The following TVP23A variants were observed in gnomAD, a reference collection of about 807,000 sequenced individuals.
TVP23A encodes trans-golgi network vesicle protein 23 homolog A.
Under a neutral mutation model 31.7 loss-of-function variants are expected in TVP23A, and 21 were observed. That is an observed-to-expected ratio of 0.66 (90% confidence interval 0.47 to 0.95). The LOEUF is 0.95. Ranked by LOEUF, TVP23A falls within the 40% of genes least tolerant of loss-of-function variation. The pLI is 0.00. For missense variants in TVP23A, 279 were observed against 255.6 expected (o/e 1.09, Z -0.62); for synonymous variants, 104 against 96.0 (o/e 1.08, Z -0.49).
chr16:10,789,830 C>CA (rs556556720), intron 2 of TVP23A, among the ~76,000 whole-genome samples: 11,795 of 88,216 alleles, frequency 0.13, 1,192 homozygotes, highest in East Asian at 0.6. Context: ...GACTCTGTCT[C>CA]AAAAAAAAAA....
At chr16:10,781,886 G>C (rs896137112) in intron 2 of TVP23A, among the ~76,000 whole-genome samples, 3 of 104,804 alleles carry the variant, frequency 2.9e-5, no homozygotes, top group Non-Finnish European at 5.2e-5. Context: ...TTTTGAGACA[G>C]AGTCTCACTC....
intron 2 of TVP23A, chr16:10,775,432 A>T: frequency 9.1e-7 from 1 of 1,096,826 alleles, no homozygotes; most frequent in Non-Finnish European, 1.1e-6. Context: ...CCTAGCAGAG[A>T]TGACGGCCAG....
rs553342838 is a variant in TVP23A, at chr16:10,777,420, C to T, written c.90-2324G>A. On this transcript the variant is annotated intron_variant, in intron 2 of 7. Coordinates refer to ENST00000299866, the MANE Select transcript of TVP23A (RefSeq NM_001079512.4). This position sits in a 1 kb window ranked among gnomAD's most constrained non-coding sequence, Gnocchi z 4.5. ...AAAATGTTGTGGGCTTTGGAAAATG[C>T]GGGGCCGAATGGGGTGGTCACAGAG... Among the ~76,000 whole-genome samples the T allele has an allele frequency of 8.8e-5, 13 of 147,422 alleles. No homozygotes were observed. Among genetic ancestry groups the T allele is most frequent in the East Asian group, 2.1e-4 (1 of 4,878 alleles).
chr16:10,769,562 T>C (rs116980077), intron 7 of TVP23A: 2,046 of 156,332 alleles, frequency 0.013, 21 homozygotes, highest in Middle Eastern at 0.045. Context: ...CCAAACGCTT[T>C]TCTTCAGATT....
chr16:10,793,006 C>T (rs538864463), intron 2 of TVP23A, among the ~76,000 whole-genome samples: 2 of 152,264 alleles, frequency 1.3e-5, no homozygotes, highest in South Asian at 2.1e-4. Flanking sequence ...GAGACATACC[C>T]AGCAGGGCAT....
rs556077496 is a variant in TVP23A, at chr16:10,800,118, A to G, written c.89+17985T>C. On this transcript the variant is annotated intron_variant, in intron 2 of 7. Coordinates refer to ENST00000299866, the MANE Select transcript of TVP23A (RefSeq NM_001079512.4). ...TTGAAAACAATTTTTTTTTTTAGAAACAGGGTCTTGCTATATTGTCCAGGG... is the reference window on the plus strand; with the variant it reads ...TTGAAAACAATTTTTTTTTTTAGAAGCAGGGTCTTGCTATATTGTCCAGGG... 2.7e-5 allele frequency among the ~76,000 whole-genome samples: 4 copies of G among 150,278 alleles called. No individual in the cohort carries two copies. In the East Asian group the frequency reaches 7.8e-4, roughly 29 times the overall value.
chr16:10,782,286 A>T (rs2032474191), intron 2 of TVP23A, among the ~76,000 whole-genome samples: 1 of 152,104 alleles, frequency 6.6e-6, no homozygotes, highest in Non-Finnish European at 1.5e-5. Flanking sequence ...CACACAGCAC[A>T]AGCACTATCC....
downstream of TVP23A, among the ~76,000 whole-genome samples, chr16:10,758,858 G>A (rs1900750127): frequency 6.6e-6 from 1 of 152,164 alleles, no homozygotes; most frequent in African/African-American, 2.4e-5. Flanking sequence ...GTCACCTAGT[G>A]GCTGTACTCC....
intron 2 of TVP23A, among the ~76,000 whole-genome samples, chr16:10,805,651 C>T (rs1332355393): frequency 6.6e-6 from 1 of 150,834 alleles, no homozygotes; most frequent in Non-Finnish European, 1.5e-5. Flanking sequence ...AAGAAAGGCC[C>T]CTGGACGCTT....
chr16:10,798,192 C>T (rs1013607623), intron 2 of TVP23A, among the ~76,000 whole-genome samples: 3 of 151,862 alleles, frequency 2.0e-5, no homozygotes, highest in African/African-American at 7.3e-5. Flanking sequence ...ATCTCCTGAC[C>T]TTGTTATCTG....
At position 10,777,540 on chromosome 16, in the gene TVP23A, G is replaced by A. The variant is rs569308818; in HGVS notation, c.90-2444C>T. 2.6e-5 allele frequency among the ~76,000 whole-genome samples: 4 copies of A among 152,168 alleles called. No homozygotes were observed. Among genetic ancestry groups the A allele is most frequent in the Admixed American group, 6.5e-5 (1 of 15,276 alleles). On this transcript the variant is annotated intron_variant, in intron 2 of 7. Transcript: ENST00000299866. This position sits in a 1 kb window ranked among gnomAD's most constrained non-coding sequence, Gnocchi z 4.5. ...AACCACAGGTGCCTCTACAACTGTG[G>A]GGCTTCCGACTCCCAGGGGAATGTT...
rs756794028 is a variant in TVP23A at position 10,818,205 on chromosome 16, T to A, written c.10-23A>T. ...GGCCTGGGAGGAGAGCAAGGGCAGG[T>A]GGCAGGCCCAAGCACGGCGCACACC... On this transcript the variant is annotated intron_variant, in intron 1 of 7. Transcript: ENST00000299866. This position sits in a 1 kb window ranked among gnomAD's most constrained non-coding sequence, Gnocchi z 4.7. The A allele has an allele frequency of 6.3e-7, 1 of 1,586,176 alleles. No individual in the cohort carries two copies. The highest frequency in any genetic ancestry group is 1.8e-5 in the Admixed American group (1 of 56,362).
intron 2 of TVP23A, among the ~76,000 whole-genome samples, chr16:10,801,059 T>C (rs1383009057): frequency 1.3e-5 from 2 of 152,304 alleles, no homozygotes; most frequent in East Asian, 3.9e-4. Context: ...CCAGATCCAG[T>C]CTGACTGGTT....
At chr16:10,792,688 A>G (rs2033170359) in intron 2 of TVP23A, among the ~76,000 whole-genome samples, 1 of 152,266 alleles carries the variant, frequency 6.6e-6, no homozygotes, top group Non-Finnish European at 1.5e-5. Flanking sequence ...CCAGGGGATG[A>G]ACCATCTGGG....
intron 2 of TVP23A, among the ~76,000 whole-genome samples, chr16:10,793,699 A>C (rs2033226976): frequency 6.6e-6 from 1 of 151,952 alleles, no homozygotes; most frequent in African/African-American, 2.4e-5. Context: ...GTTTGAGACC[A>C]GCTTGGGAAA....
At chr16:10,780,361 T>C (rs2032348212) in intron 2 of TVP23A, among the ~76,000 whole-genome samples, 1 of 152,092 alleles carries the variant, frequency 6.6e-6, no homozygotes, top group African/African-American at 2.4e-5. Flanking sequence ...TAAACTTATT[T>C]CATCCTAAAT....
intron 2 of TVP23A, among the ~76,000 whole-genome samples, chr16:10,791,146 C>G (rs2033081486): frequency 6.6e-6 from 1 of 152,084 alleles, no homozygotes; most frequent in Non-Finnish European, 1.5e-5. Flanking sequence ...TCCTATCACT[C>G]TACTTATTGC....
At chr16:10,803,016 G>C (rs921613351) in intron 2 of TVP23A, among the ~76,000 whole-genome samples, 1 of 152,172 alleles carries the variant, frequency 6.6e-6, no homozygotes, top group Non-Finnish European at 1.5e-5. Flanking sequence ...GGACGCAGTG[G>C]CTCATGCCTG....
At chr16:10,770,868 C>CAAAAAAAAAAAAAAA (rs376701429) in intron 6 of TVP23A, among the ~76,000 whole-genome samples, 35 of 66,444 alleles carry the variant, frequency 5.3e-4, no homozygotes, top group African/African-American at 6.8e-4. Flanking sequence ...ACTCCCATCT[C>CAAAAAAAAAAAAAAA]AAAAAAAAAA....
Sources: gnomAD v4.1 joint callset for allele counts (sites outside exome capture counted in the v4.1 genomes callset) on GRCh38, gnomAD v4.1.1 for gene constraint, Gnocchi (gnomAD v3.1) non-coding constraint, MANE v1.5 for transcripts, NCBI Gene and HGNC (gene_info 2026-07-23, HGNC 2026-07-21) for gene names.